Variants in PLEKHG4B observed in about 807,000 individuals in gnomAD.
PLEKHG4B encodes pleckstrin homology and RhoGEF domain containing G4B.
A neutral mutation model predicts 121.3 loss-of-function variants in PLEKHG4B; 111 were observed. The observed-to-expected ratio is 0.92, with a 90% CI of 0.78 to 1.07. PLEKHG4B has a LOEUF of 1.07. PLEKHG4B is among the 50% of genes least tolerant of loss of function. The pLI is 0.00. For missense variants in PLEKHG4B, 1,831 were observed against 1,757.8 expected, an observed-to-expected ratio of 1.04 and a Z score of -0.74; for synonymous variants, 738 against 725.0, an observed-to-expected ratio of 1.02 and a Z score of -0.29.
chr5:138,990 C>T (rs1579275466), intron 2 of PLEKHG4B, among the ~76,000 whole-genome samples: 1 of 152,214 alleles, frequency 6.6e-6, no homozygotes, highest in South Asian at 2.1e-4. Context: ...TCCTGGCACC[C>T]GCACCCCTCG....
At chr5:148,586 TAGAA>T (rs370411317) in intron 6 of PLEKHG4B, among the ~76,000 whole-genome samples, 5 of 152,110 alleles carry the variant, frequency 3.3e-5, no homozygotes, top group East Asian at 1.9e-4. Context: ...AAGACATAAA[TAGAA>T]AGATATCTCA....
rs1192548252 is a variant in PLEKHG4B at position 113,217 on chromosome 5, C to T, written c.46-34C>T. On this transcript the variant is annotated intron_variant, in intron 1 of 19. Transcript: ENST00000637938. This position sits in a 1 kb window ranked among gnomAD's most constrained non-coding sequence, Gnocchi z 5.2. ...GGTGTGCACCTGTCTTGAGTTATGT[C>T]CCTAAAGTTTCTGAATTCTCTCTTT... 2 of 398,990 alleles carry T rather than the reference C, an allele frequency of 5.0e-6. No individual in the cohort carries two copies. The highest frequency in any genetic ancestry group is 8.8e-6 in the Non-Finnish European group (2 of 226,182). 24.7% of individuals were successfully genotyped at this position (398,990 alleles called of 1,614,324 possible). A position where few individuals can be genotyped will look rare whatever the true frequency, so the allele number is the denominator to read the frequency against.
chr5:102,858 G>T (rs148823413), intron 1 of PLEKHG4B, among the ~76,000 whole-genome samples: 1 of 152,216 alleles, frequency 6.6e-6, no homozygotes, highest in African/African-American at 2.4e-5. Context: ...CCCTGCCTGG[G>T]CGACATCTGT....
rs114040866 is a variant in PLEKHG4B at position 181,663 on chromosome 5, G to A, written c.4552G>A (p.Val1518Ile). Residue 1518 changes from valine (V) to isoleucine (I), a missense_variant, in exon 19 of 20, where the codon GTC becomes ATC. Val to Ile is a conservative substitution (Grantham distance 29, BLOSUM62 3). Transcript: ENST00000637938. The stretch of plus-strand genomic sequence containing the variant: ...GAGCGACCGAGTCCCCGACAGCATC[G>A]TCAAGGGCACAGGTACGGTGGCTCG... ...VMSDRVPDSI[V>I]KGTESQMRGS... The A allele has an allele frequency of 4.7e-5, 76 of 1,613,276 alleles. No individual in the cohort carries two copies. In the South Asian group the frequency reaches 4.7e-4, roughly 10 times the overall value.
chr5:154,958 C>G lies in PLEKHG4B; in HGVS notation c.2076C>G (p.Pro692=). 2 of 1,613,534 alleles carry G rather than the reference C, an allele frequency of 1.2e-6. No individual in the cohort carries two copies. Among genetic ancestry groups the G allele is most frequent in the Non-Finnish European group, 8.5e-7 (1 of 1,180,030 alleles). The change falls in exon 8 of 20, where the codon CCC becomes CCG. Residue 692 remains proline (P), a synonymous_variant. Coordinates refer to ENST00000637938, the MANE Select transcript of PLEKHG4B (RefSeq NM_052909.5). ...CCGCAGACCTCGACGGCTCCTTTCC[C>G]TACAGCCATGGTGACTGGATCTGCT... ...QLTADLDGSF[P]YSHGDWICFR... is the part of the protein sequence containing the mutation.
chr5:140,824 CCCCCTGCACACCACCACAACCT>C (rs1735153910), intron 3 of PLEKHG4B, 108 bp downstream of exon 3: 7 of 798,016 alleles, frequency 8.8e-6, no homozygotes, highest in Admixed American at 3.5e-5. Flanking sequence ...CCCACAACCT[CCCCCTGCACACCACCACAACCT>C]CCCCTGCACA....
At position 188,036 on chromosome 5, in the gene PLEKHG4B, C is replaced by G. The variant is rs2126478496; in HGVS notation, c.*5713C>G. The G allele has an allele frequency of 1.3e-5, 2 of 152,486 alleles. No homozygotes were observed. The highest frequency in any genetic ancestry group is 4.1e-4 in the South Asian group (2 of 4,834). The allele number at this position is 152,486 out of a possible 1,614,324, so 9.4% of individuals were successfully genotyped here. ...CCCCCCTTTGCCCCCGCCCTGCTCT[C>G]AGGAGCCCCCTGCCAGGTGCTCTGA... On this transcript the variant is annotated 3_prime_UTR_variant, in exon 20 of 20. Coordinates refer to ENST00000637938, the MANE Select transcript of PLEKHG4B (RefSeq NM_052909.5).
At chr5:97,258 CG>C (rs1733656068) in intron 1 of PLEKHG4B, among the ~76,000 whole-genome samples, 1 of 151,910 alleles carries the variant, frequency 6.6e-6, no homozygotes, top group East Asian at 1.9e-4. Flanking sequence ...TTCCTCATTC[CG>C]AAGTCAAAAC....
intron 18 of PLEKHG4B, 24 bp from the exon 19 acceptor site, chr5:181,490 C>A: frequency 2.5e-6 from 4 of 1,607,526 alleles, no homozygotes; most frequent in Non-Finnish European, 3.4e-6. Flanking sequence ...GCTTTGGAAA[C>A]TGTCATACTT....
At chr5:118,224 C>T (rs1176408392) in intron 2 of PLEKHG4B, among the ~76,000 whole-genome samples, 2 of 152,142 alleles carry the variant, frequency 1.3e-5, no homozygotes, top group African/African-American at 4.8e-5. Context: ...ACAACATAGT[C>T]CAAAAATGTG....
At chr5:151,020 C>G (rs570179269) in intron 6 of PLEKHG4B, among the ~76,000 whole-genome samples, 3 of 152,184 alleles carry the variant, frequency 2.0e-5, no homozygotes, top group Non-Finnish European at 4.4e-5. Context: ...AGGAACAAAC[C>G]GTTGATCTCC....
At chr5:131,082 C>T (rs753211391) in intron 2 of PLEKHG4B, among the ~76,000 whole-genome samples, 6 of 151,530 alleles carry the variant, frequency 4.0e-5, no homozygotes, top group Non-Finnish European at 8.8e-5. Context: ...GCTGATGCCC[C>T]ACGCCTCTGC....
At position 149,794 on chromosome 5, in the gene PLEKHG4B, T is replaced by C. The variant is rs1469047114; in HGVS notation, c.1906-1719T>C. ...AAAGATGTTCAATGTCATTAATGAT[T>C]AGAGAAATTCAAATCAAAACCTCAA... is the stretch of plus-strand genomic sequence containing the variant. On this transcript the variant is annotated intron_variant, in intron 6 of 19. Coordinates refer to ENST00000637938, the MANE Select transcript of PLEKHG4B (RefSeq NM_052909.5). Among the ~76,000 whole-genome samples, 4 of 152,316 alleles carry C rather than the reference T, an allele frequency of 2.6e-5. No homozygotes were observed. In the East Asian group the frequency reaches 5.8e-4, roughly 22 times the overall value.
intron 2 of PLEKHG4B, among the ~76,000 whole-genome samples, chr5:135,337 T>C (rs1271333576): frequency 1.3e-5 from 2 of 151,786 alleles, no homozygotes; most frequent in African/African-American, 4.8e-5. Context: ...TAAATAATTG[T>C]AAACACATCT....
chr5:94,704 T>TG (rs1733580560), intron 1 of PLEKHG4B, among the ~76,000 whole-genome samples: 1 of 151,610 alleles, frequency 6.6e-6, no homozygotes. Context: ...CTTTACCTTA[T>TG]GGGGGGCTCT....
At chr5:102,595 C>T (rs149682070) in intron 1 of PLEKHG4B, among the ~76,000 whole-genome samples, 71 of 152,314 alleles carry the variant, frequency 4.7e-4, no homozygotes, top group African/African-American at 1.5e-3. Context: ...CACGAGTTCC[C>T]CTTTGCCTTC....
In PLEKHG4B at chr5:163,447, G is replaced by T. The variant is rs766851458; in HGVS notation, c.3375G>T (p.Leu1125=). Residue 1125 remains leucine (L), a synonymous_variant, in exon 13 of 20, where the codon CTG becomes CTT. Transcript: ENST00000637938. ...TAGCCACAGAGAAGAAGCTCCCGCT[G>T]TGGCAGCATGCCAGGAGCCCCCCGG... ...STVATEKKLP[L]WQHARSPPVT... 8 of 1,612,876 alleles carry T rather than the reference G, an allele frequency of 5.0e-6. No individual in the cohort carries two copies. The highest frequency in any genetic ancestry group is 1.3e-5 in the African/African-American group (1 of 74,960).
intron 2 of PLEKHG4B, among the ~76,000 whole-genome samples, chr5:132,108 C>G (rs1414373357): frequency 2.0e-5 from 3 of 151,450 alleles, no homozygotes; most frequent in African/African-American, 7.3e-5. Context: ...AGGAACAAGA[C>G]AAGGATGCGC....
At position 182,726 on chromosome 5, in the gene PLEKHG4B, G is replaced by A; in HGVS notation, c.*403G>A. ...AGACCTCCCTCCGCCTTGAGAGTTT[G>A]CAGGCCTCAGTGCAGGGAGGGGCCC... is the stretch of plus-strand genomic sequence containing the variant. On this transcript the variant is annotated 3_prime_UTR_variant, in exon 20 of 20. Transcript: ENST00000637938. 1 of 231,532 alleles carries A rather than the reference G, an allele frequency of 4.3e-6. No homozygotes were observed. The highest frequency in any genetic ancestry group is 8.7e-6 in the Non-Finnish European group (1 of 115,376). 14.3% of individuals were successfully genotyped at this position (231,532 alleles called of 1,614,324 possible). A position where few individuals can be genotyped will look rare whatever the true frequency, so the allele number is the denominator to read the frequency against.
Sources: allele counts gnomAD v4.1 joint callset (sites outside exome capture counted in the v4.1 genomes callset), GRCh38; gene constraint gnomAD v4.1.1; non-coding constraint Gnocchi (gnomAD v3.1); transcripts MANE v1.5; gene names NCBI Gene and HGNC (gene_info 2026-07-23, HGNC 2026-07-21).